Variants in GPHN observed in about 807,000 individuals in gnomAD.
GPHN encodes the protein gephyrin.
A neutral mutation model predicts 95.5 loss-of-function variants in GPHN; 17 were observed. The observed-to-expected ratio is 0.18, with a 90% CI of 0.12 to 0.27. The LOEUF (loss-of-function observed/expected upper bound fraction) is 0.27, where lower values mean the gene tolerates loss of function less well. Among genes scored for constraint, GPHN ranks in the 10% least tolerant of loss-of-function variants. GPHN has a pLI of 1.00. For missense variants in GPHN, 660 were observed against 978.1 expected (o/e 0.67, Z 4.34); for synonymous variants, 320 against 322.5 (o/e 0.99, Z 0.08).
chr14:66,608,813 T>C (rs1163228895), intron 1 of GPHN, among the ~76,000 whole-genome samples: 2 of 152,142 alleles, frequency 1.3e-5, no homozygotes, highest in Admixed American at 6.6e-5. Context: ...CAACTCCTGC[T>C]CTTTATTGTT....
At chr14:67,675,050 C>T in the GPHN span, among the ~76,000 whole-genome samples, 1 of 152,228 alleles carries the variant, frequency 6.6e-6, no homozygotes, top group African/African-American at 2.4e-5. Flanking sequence ...TAGACGTCGT[C>T]CTCACTGTCA....
intron 9 of GPHN, among the ~76,000 whole-genome samples, chr14:67,013,347 G>A (rs1308882020): frequency 1.3e-5 from 2 of 151,990 alleles, no homozygotes; most frequent in Non-Finnish European, 2.9e-5. Context: ...TCTAATTAGT[G>A]CATGTCTCTG....
chr14:67,152,348 A>G (rs2081330178), intron 18 of GPHN, among the ~76,000 whole-genome samples: 1 of 152,220 alleles, frequency 6.6e-6, no homozygotes, highest in African/African-American at 2.4e-5. Context: ...TTTAAATGAT[A>G]AATTACTTTT....
At chr14:67,419,902 A>G in the GPHN span, among the ~76,000 whole-genome samples, 562 of 151,982 alleles carry the variant, frequency 3.7e-3, 15 homozygotes, top group East Asian at 0.062. Context: ...GTGGGTCTGC[A>G]TCTCCCCAGA....
At chr14:67,381,558 AT>A in the GPHN span, 6 of 1,563,816 alleles carry the variant, frequency 3.8e-6, no homozygotes, top group Non-Finnish European at 5.3e-6. Flanking sequence ...TATTTTTTGC[AT>A]TTTTTATCAA....
chr14:67,734,192 C>A, the GPHN span: 1 of 302,712 alleles, frequency 3.3e-6, no homozygotes, highest in Non-Finnish European at 6.6e-6. Context: ...AGAGGCTCAG[C>A]TGAGGCAAGA....
chr14:66,589,048 T>G (rs1173595428), intron 1 of GPHN, among the ~76,000 whole-genome samples: 1 of 152,106 alleles, frequency 6.6e-6, no homozygotes, highest in African/African-American at 2.4e-5. Context: ...GTAGAAATCC[T>G]ACAAGCCAGA....
chr14:66,972,687 T>C (rs2069895586), intron 9 of GPHN, among the ~76,000 whole-genome samples: 2 of 152,088 alleles, frequency 1.3e-5, no homozygotes, highest in Admixed American at 1.3e-4. Flanking sequence ...TAATATTAAA[T>C]AGTAAATTTA....
the GPHN span, among the ~76,000 whole-genome samples, chr14:67,545,837 A>C: frequency 1.1e-4 from 16 of 152,276 alleles, no homozygotes; most frequent in African/African-American, 3.9e-4. Flanking sequence ...ACTTCTAAAA[A>C]CCTTCAAAGA....
the GPHN span, among the ~76,000 whole-genome samples, chr14:67,707,594 A>T: frequency 1.3e-5 from 2 of 152,132 alleles, no homozygotes; most frequent in Non-Finnish European, 1.5e-5. Flanking sequence ...ACACCCAGCT[A>T]ATTTTTATAT....
intron 2 of GPHN, among the ~76,000 whole-genome samples, chr14:66,748,832 A>G (rs1292658038): frequency 2.0e-5 from 3 of 152,016 alleles, no homozygotes; most frequent in East Asian, 1.9e-4. Context: ...AAAACGAACT[A>G]TAAGAAAGCA....
intron 4 of GPHN, among the ~76,000 whole-genome samples, chr14:66,841,760 G>A (rs906667239): frequency 6.6e-6 from 1 of 152,076 alleles, no homozygotes; most frequent in Non-Finnish European, 1.5e-5. Context: ...AGTATATGAG[G>A]CCGGGCATGG....
the GPHN span, among the ~76,000 whole-genome samples, chr14:67,414,306 C>A: frequency 1.3e-5 from 2 of 152,214 alleles, no homozygotes; most frequent in African/African-American, 4.8e-5. Flanking sequence ...TCCAGCCCAC[C>A]CTGCCTGACT....
At chr14:67,268,413 G>C in the GPHN span, among the ~76,000 whole-genome samples, 1 of 152,204 alleles carries the variant, frequency 6.6e-6, no homozygotes, top group Admixed American at 6.5e-5. Context: ...CAAGTCCATA[G>C]AGTAAAATGA....
chr14:67,489,969 G>A, the GPHN span, among the ~76,000 whole-genome samples: 3 of 149,186 alleles, frequency 2.0e-5, no homozygotes, highest in Admixed American at 1.3e-4. Flanking sequence ...CAGCCTGGGC[G>A]ACAGAGCGAG....
At chr14:66,929,852 C>T (rs956445908) in intron 8 of GPHN, among the ~76,000 whole-genome samples, 49 of 152,150 alleles carry the variant, frequency 3.2e-4, no homozygotes, top group African/African-American at 1.1e-3. Flanking sequence ...GCTGGGATTA[C>T]AGGCGCCCGC....
intron 1 of GPHN, among the ~76,000 whole-genome samples, chr14:66,639,603 T>C (rs2064282751): frequency 7.2e-6 from 1 of 139,422 alleles, no homozygotes; most frequent in Non-Finnish European, 1.5e-5. Context: ...AGCTGGTGAA[T>C]GGTGATGATT....
chr14:66,957,166 A>G (rs1047705526), intron 8 of GPHN, among the ~76,000 whole-genome samples: 7 of 147,814 alleles, frequency 4.7e-5, no homozygotes, highest in Non-Finnish European at 1.5e-5. Context: ...ATACTTGTAA[A>G]TTTCTCAAAT....
chr14:66,687,293 C>G (rs530117232), intron 2 of GPHN, among the ~76,000 whole-genome samples: 3 of 152,130 alleles, frequency 2.0e-5, no homozygotes, highest in African/African-American at 2.4e-5. Flanking sequence ...TCCACCCCAG[C>G]TTTGTTCTTT....
Sources: gnomAD v4.1 joint callset for allele counts (sites outside exome capture counted in the v4.1 genomes callset) on GRCh38, gnomAD v4.1.1 for gene constraint, MANE v1.5 for transcripts, NCBI Gene and HGNC (gene_info 2026-07-23, HGNC 2026-07-21) for gene names.